The following SLC9B1 variants were observed in gnomAD, a reference collection of about 807,000 sequenced individuals.
SLC9B1 encodes solute carrier family 9 member B1, also known as sodium/hydrogen exchanger 9B1.
A neutral mutation model predicts 51.7 loss-of-function variants in SLC9B1; 32 were observed. That is an observed-to-expected ratio of 0.62 (90% CI 0.47 to 0.83). The LOEUF is 0.83. SLC9B1 is among the 40% of genes least tolerant of loss of function. The pLI is 0.00. For synonymous variants in SLC9B1, 145 were observed against 212.7 expected, an observed-to-expected ratio of 0.68 and a Z score of 2.77; for missense variants, 406 against 613.2, an observed-to-expected ratio of 0.66 and a Z score of 3.57.
At chr4:102,931,442 C>T (rs1165192280) in intron 7 of SLC9B1, among the ~76,000 whole-genome samples, 2 of 151,774 alleles carry the variant, frequency 1.3e-5, no homozygotes, top group Admixed American at 6.6e-5. Context: ...TTTAACTTTT[C>T]CTCTTTTTCT....
chr4:102,957,782 A>G (rs1351549147), intron 3 of SLC9B1, among the ~76,000 whole-genome samples: 11 of 146,970 alleles, frequency 7.5e-5, no homozygotes, highest in African/African-American at 2.0e-4. Context: ...ATGTGTGTAT[A>G]TGTGTGTGTG....
intron 4 of SLC9B1, among the ~76,000 whole-genome samples, chr4:102,949,016 T>C (rs1447461270): frequency 6.6e-6 from 1 of 152,152 alleles, no homozygotes; most frequent in East Asian, 1.9e-4. Context: ...ACTAAGGATA[T>C]TAAATTTATT....
chr4:102,940,834 A>C (rs1181371292), intron 6 of SLC9B1, among the ~76,000 whole-genome samples: 1 of 152,204 alleles, frequency 6.6e-6, no homozygotes, highest in Non-Finnish European at 1.5e-5. Flanking sequence ...ACCTATAGCC[A>C]TCTACTCTTC....
chr4:102,945,167 A>G (rs373098908), intron 6 of SLC9B1, 26 bp downstream of exon 6: 402 of 1,541,494 alleles, frequency 2.6e-4, no homozygotes, highest in South Asian at 8.2e-4. Flanking sequence ...GAATATTTTC[A>G]TAAGAAAAAA....
At chr4:102,893,271 G>C (rs1346037829) in intron 11 of SLC9B1, among the ~76,000 whole-genome samples, 1 of 66,714 alleles carries the variant, frequency 1.5e-5, no homozygotes, top group East Asian at 5.1e-4. Flanking sequence ...CACAGAGCAA[G>C]ACTCCATCTC....
intron 4 of SLC9B1, among the ~76,000 whole-genome samples, chr4:102,947,249 A>C (rs921418575): frequency 3.3e-5 from 5 of 152,252 alleles, no homozygotes; most frequent in Non-Finnish European, 5.9e-5. Flanking sequence ...AAGCTAGAGC[A>C]AAAGAGAAAG....
chr4:102,951,129 G>A (rs1338405008), intron 3 of SLC9B1, among the ~76,000 whole-genome samples: 1 of 152,174 alleles, frequency 6.6e-6, no homozygotes, highest in Non-Finnish European at 1.5e-5. Flanking sequence ...TCTTTTTTGA[G>A]AATTCATAGG....
chr4:103,013,504 T>G (rs566774700), intron 1 of SLC9B1, among the ~76,000 whole-genome samples: 1 of 152,326 alleles, frequency 6.6e-6, no homozygotes, highest in East Asian at 1.9e-4. Flanking sequence ...TCTATATACA[T>G]TTCTCAACAT....
intron 7 of SLC9B1, among the ~76,000 whole-genome samples, chr4:102,919,207 T>C (rs1381053513): frequency 6.6e-6 from 1 of 152,252 alleles, no homozygotes; most frequent in Non-Finnish European, 1.5e-5. Flanking sequence ...CTTCTGCAAA[T>C]TTCTGCAGTC....
In SLC9B1 at chr4:102,925,781, G is replaced by A. The variant is rs536892525; in HGVS notation, c.829+6343C>T. 1.9e-3 allele frequency among the ~76,000 whole-genome samples: 292 copies of A among 151,668 alleles called. 3 individuals carry two copies. The highest frequency in any genetic ancestry group is 7.0e-3 in the African/African-American group (287 of 41,292). ...ATCATCCTGGTACCAAAGCCTGGCA[G>A]AGACACAACAAAAAAAGAGAATTTT... On this transcript the variant is annotated intron_variant, in intron 7 of 11. Coordinates refer to ENST00000296422, the MANE Select transcript of SLC9B1 (RefSeq NM_139173.4).
At chr4:102,986,604 C>T (rs1739638168) in intron 3 of SLC9B1, among the ~76,000 whole-genome samples, 1 of 152,144 alleles carries the variant, frequency 6.6e-6, no homozygotes, top group East Asian at 1.9e-4. Flanking sequence ...ATTCCCATTT[C>T]ATGTATGTTA....
At chr4:102,991,984 C>A (rs1285774324) in intron 1 of SLC9B1, among the ~76,000 whole-genome samples, 2 of 152,100 alleles carry the variant, frequency 1.3e-5, no homozygotes, top group Non-Finnish European at 2.9e-5. Flanking sequence ...ATCATAGAAT[C>A]ATGTATCAGA....
intron 3 of SLC9B1, among the ~76,000 whole-genome samples, chr4:102,972,528 G>C (rs1429589947): frequency 6.6e-6 from 1 of 152,150 alleles, no homozygotes; most frequent in Non-Finnish European, 1.5e-5. Context: ...TTACAGGTGT[G>C]AGCCACTGTG....
At chr4:102,957,010 C>T (rs4699037) in intron 3 of SLC9B1, among the ~76,000 whole-genome samples, 82,298 of 151,818 alleles carry the variant, frequency 0.54, 22,806 homozygotes, top group African/African-American at 0.67. Flanking sequence ...AATCTAGAAT[C>T]GAAAAGTACA....
At chr4:102,920,301 C>G (rs1735798832) in intron 7 of SLC9B1, among the ~76,000 whole-genome samples, 2 of 152,188 alleles carry the variant, frequency 1.3e-5, no homozygotes, top group Non-Finnish European at 2.9e-5. Flanking sequence ...CTCCAACAGA[C>G]TTGCAGCTGA....
At chr4:102,910,118 T>C (rs1196270116) in intron 9 of SLC9B1, among the ~76,000 whole-genome samples, 1 of 152,082 alleles carries the variant, frequency 6.6e-6, no homozygotes, top group Non-Finnish European at 1.5e-5. Flanking sequence ...CCCGGCCTTT[T>C]ACAAACATTT....
chr4:102,888,937 T>A (rs1277357119), intron 11 of SLC9B1: 1 of 152,264 alleles, frequency 6.6e-6, no homozygotes, highest in Non-Finnish European at 1.5e-5. Context: ...GTTTATTCAG[T>A]TCACTTTGCT....
At chr4:102,894,522 T>C (rs181692216) in intron 11 of SLC9B1, among the ~76,000 whole-genome samples, 41 of 152,198 alleles carry the variant, frequency 2.7e-4, no homozygotes, top group Middle Eastern at 3.4e-3. Context: ...ATACAAAATA[T>C]ATTAGCAATA....
At position 103,019,636 on chromosome 4, in the gene SLC9B1, G is replaced by GGCCCGGGAGCC; in HGVS notation, c.-40_-39insGGCTCCCGGGC. 1.0e-6 allele frequency: 1 copy of GGCCCGGGAGCC among 985,442 alleles called. No homozygotes were observed. 61.0% of individuals were successfully genotyped at this position (985,442 alleles called of 1,614,324 possible). A position where few individuals can be genotyped will look rare whatever the true frequency, so the allele number is the denominator to read the frequency against. The stretch of plus-strand genomic sequence containing the variant: ...TCGCAGCCCTCGCTGGCCCGGGAGC[G>GGCCCGGGAGCC]GCCCAGGAGCCCAGTGACCGTTGCG... On this transcript the variant is annotated 5_prime_UTR_variant, in exon 1 of 12. Coordinates refer to ENST00000296422, the MANE Select transcript of SLC9B1 (RefSeq NM_139173.4).
Sources: allele counts gnomAD v4.1 joint callset (sites outside exome capture counted in the v4.1 genomes callset), GRCh38; gene constraint gnomAD v4.1.1; transcripts MANE v1.5; gene names NCBI Gene and HGNC (gene_info 2026-07-23, HGNC 2026-07-21).